ENTREP2: variants seen among roughly 807,000 people sequenced by gnomAD.
The protein encoded by ENTREP2 is endosomal transmembrane epsin interactor 2.
At chr15:29,254,161 CAAAAAAAAAAA>C in the ENTREP2 span, among the ~76,000 whole-genome samples, 10 of 61,336 alleles carry the variant, frequency 1.6e-4, no homozygotes, top group Admixed American at 5.6e-4. Context: ...TGTTAAAGAG[CAAAAAAAAAAA>C]AAAAAAAAAA....
the ENTREP2 span, among the ~76,000 whole-genome samples, chr15:29,295,393 C>A: frequency 6.6e-6 from 1 of 152,156 alleles, no homozygotes; most frequent in Admixed American, 6.5e-5. Flanking sequence ...GACAGCCAGG[C>A]CTCTACTGAG....
At chr15:29,578,140 G>A in the ENTREP2 span, among the ~76,000 whole-genome samples, 6 of 152,084 alleles carry the variant, frequency 3.9e-5, 1 homozygote, top group African/African-American at 9.7e-5. Flanking sequence ...TCAAATCCAC[G>A]AGGATGGCTA....
At chr15:29,180,541 G>A in the ENTREP2 span, among the ~76,000 whole-genome samples, 1 of 152,120 alleles carries the variant, frequency 6.6e-6, no homozygotes, top group Non-Finnish European at 1.5e-5. Context: ...GCACACGGCT[G>A]TGATCCCAGC....
chr15:29,224,309 C>A, the ENTREP2 span, among the ~76,000 whole-genome samples: 47 of 152,206 alleles, frequency 3.1e-4, no homozygotes, highest in South Asian at 9.6e-3. Context: ...GTGATAAAGG[C>A]AGTTTGGACC....
At chr15:29,648,068 C>T in the ENTREP2 span, among the ~76,000 whole-genome samples, 12 of 150,640 alleles carry the variant, frequency 8.0e-5, no homozygotes, top group African/African-American at 2.7e-4. Flanking sequence ...TCACAACAGG[C>T]CCCAATACCG....
chr15:29,633,451 T>C, the ENTREP2 span, among the ~76,000 whole-genome samples: 1 of 151,558 alleles, frequency 6.6e-6, no homozygotes, highest in Non-Finnish European at 1.5e-5. Context: ...AAAATTGCAT[T>C]TGATGTTGGG....
chr15:29,136,796 G>A, the ENTREP2 span, among the ~76,000 whole-genome samples: 8 of 151,968 alleles, frequency 5.3e-5, no homozygotes, highest in East Asian at 1.9e-4. Context: ...TGACTGCAAC[G>A]TGACCGCAGC....
chr15:29,410,976 T>C, the ENTREP2 span, among the ~76,000 whole-genome samples: 402 of 152,210 alleles, frequency 2.6e-3, 1 homozygote, highest in Non-Finnish European at 5.3e-3. Context: ...AGTAGAGACG[T>C]GGTTTCACCA....
At chr15:29,594,924 C>T in the ENTREP2 span, among the ~76,000 whole-genome samples, 1,076 of 151,892 alleles carry the variant, frequency 7.1e-3, 3 homozygotes, top group Middle Eastern at 0.027. Context: ...AATCATTAGC[C>T]GGGCGTGGTG....
At chr15:29,346,717 G>C in the ENTREP2 span, among the ~76,000 whole-genome samples, 3 of 152,086 alleles carry the variant, frequency 2.0e-5, no homozygotes, top group South Asian at 2.1e-4. Context: ...ATTATCCTCT[G>C]TGTAAACCAA....
chr15:29,585,460 A>G, the ENTREP2 span, among the ~76,000 whole-genome samples: 1 of 152,236 alleles, frequency 6.6e-6, no homozygotes, highest in Non-Finnish European at 1.5e-5. Flanking sequence ...ACCTCTTCAC[A>G]CACACATGAA....
At chr15:29,445,425 T>G in the ENTREP2 span, among the ~76,000 whole-genome samples, 42 of 152,146 alleles carry the variant, frequency 2.8e-4, no homozygotes, top group Middle Eastern at 3.4e-3. Context: ...ACCCCTCACC[T>G]TAGGGAAGGG....
At chr15:29,310,005 G>A in the ENTREP2 span, among the ~76,000 whole-genome samples, 5 of 152,070 alleles carry the variant, frequency 3.3e-5, no homozygotes, top group East Asian at 1.9e-4. Flanking sequence ...TCCATGTGAC[G>A]TGGACTGAAG....
At chr15:29,448,494 G>A in the ENTREP2 span, among the ~76,000 whole-genome samples, 1 of 152,300 alleles carries the variant, frequency 6.6e-6, no homozygotes, top group East Asian at 1.9e-4. Flanking sequence ...TCACTGTACT[G>A]TACCCTAAAT....
the ENTREP2 span, among the ~76,000 whole-genome samples, chr15:29,649,223 A>AGGCATACAATTAAAAGTTAG: frequency 6.6e-6 from 1 of 152,200 alleles, no homozygotes; most frequent in Non-Finnish European, 1.5e-5. Flanking sequence ...CTCTCAAAAG[A>AGGCATACAATTAAAAGTTAG]GGCATACAAT....
the ENTREP2 span, among the ~76,000 whole-genome samples, chr15:29,444,274 G>A: frequency 1.3e-5 from 2 of 151,866 alleles, no homozygotes; most frequent in African/African-American, 4.8e-5. Flanking sequence ...AAGGGGATAG[G>A]GGAAAAGCCA....
the ENTREP2 span, among the ~76,000 whole-genome samples, chr15:29,663,834 C>T: frequency 3.7e-4 from 56 of 152,004 alleles, no homozygotes; most frequent in African/African-American, 1.2e-3. Flanking sequence ...GCACGTTGTG[C>T]ACATGTACCC....
chr15:29,415,451 C>T, the ENTREP2 span, among the ~76,000 whole-genome samples: 795 of 152,042 alleles, frequency 5.2e-3, 10 homozygotes, highest in African/African-American at 0.018. Context: ...ATTCAACAAC[C>T]CTTCATGCTA....
chr15:29,552,151 T>G, the ENTREP2 span, among the ~76,000 whole-genome samples: 6 of 152,194 alleles, frequency 3.9e-5, no homozygotes, highest in African/African-American at 1.4e-4. Context: ...CCTCAAGATA[T>G]GGCCTAAAAT....
Sources: allele counts gnomAD v4.1 joint callset (sites outside exome capture counted in the v4.1 genomes callset), GRCh38; gene constraint gnomAD v4.1.1; transcripts MANE v1.5; gene names NCBI Gene and HGNC (gene_info 2026-07-23, HGNC 2026-07-21).